Variants in SNX30 observed in about 807,000 individuals in gnomAD.
SNX30 encodes sorting nexin family member 30.
SNX30 carries 24 observed loss-of-function variants against 46.4 expected under a neutral mutation model. That is an observed-to-expected ratio of 0.52 (90% CI 0.37 to 0.73). The LOEUF (loss-of-function observed/expected upper bound fraction) is 0.73. Ranked by LOEUF, SNX30 falls within the 30% of genes least tolerant of loss-of-function variation. The pLI is 0.00. For missense variants in SNX30, 533 were observed against 555.7 expected (o/e 0.96, Z 0.41); for synonymous variants, 189 against 211.5 (o/e 0.89, Z 0.92).
In SNX30 at chr9:112,786,803, C is replaced by T. The variant is rs183194447; in HGVS notation, c.157-17973C>T. ...CAGGTGTGAGCCACCACGCCTGGCC[C>T]CTTCTTGCCTTTTTAAAATTTTCTT... On this transcript the variant is annotated intron_variant, in intron 1 of 8. Coordinates refer to ENST00000374232, the MANE Select transcript of SNX30 (RefSeq NM_001012994.2). 4.6e-5 allele frequency among the ~76,000 whole-genome samples: 7 copies of T among 152,148 alleles called. No homozygotes were observed. The South Asian group carries it at 1.5e-3, about 32-fold the overall frequency.
chr9:112,877,905 A>G (rs1841535575), downstream of SNX30: 1 of 151,932 alleles, frequency 6.6e-6, no homozygotes, highest in Non-Finnish European at 1.5e-5. Context: ...TTTTGTAGAG[A>G]TAGTGGTCTC....
At chr9:112,789,283 C>T (rs904506020) in intron 1 of SNX30, among the ~76,000 whole-genome samples, 1 of 152,152 alleles carries the variant, frequency 6.6e-6, no homozygotes, top group Admixed American at 6.5e-5. Flanking sequence ...AACAGGCTCT[C>T]GGAAATGCCT....
At chr9:112,751,960 T>C (rs546889716) in intron 1 of SNX30, among the ~76,000 whole-genome samples, 4 of 152,242 alleles carry the variant, frequency 2.6e-5, no homozygotes, top group African/African-American at 9.6e-5. Context: ...ATTTCAGCTG[T>C]GAAGGAGACT....
chr9:112,756,761 C>T (rs1337812205), intron 1 of SNX30, among the ~76,000 whole-genome samples: 1 of 152,148 alleles, frequency 6.6e-6, no homozygotes, highest in Non-Finnish European at 1.5e-5. Context: ...GCGCTCGGCT[C>T]CTTCACCTTT....
chr9:112,789,122 G>C (rs921645922), intron 1 of SNX30, among the ~76,000 whole-genome samples: 1 of 152,162 alleles, frequency 6.6e-6, no homozygotes, highest in Non-Finnish European at 1.5e-5. Flanking sequence ...AGGTCGAGTT[G>C]TGTTCTCTTT....
upstream of SNX30, among the ~76,000 whole-genome samples, chr9:112,750,653 T>TC (rs2131338500): frequency 6.6e-6 from 1 of 151,348 alleles, no homozygotes; most frequent in East Asian, 2.0e-4. Context: ...CGTCCTTCCT[T>TC]CCCCACGTGC....
intron 7 of SNX30, among the ~76,000 whole-genome samples, chr9:112,853,922 T>C (rs916370296): frequency 2.0e-5 from 3 of 152,134 alleles, no homozygotes; most frequent in Non-Finnish European, 4.4e-5. Context: ...TAAGGAAAAA[T>C]AGAAGTCACT....
intron 2 of SNX30, among the ~76,000 whole-genome samples, chr9:112,812,918 G>T (rs1027998038): frequency 3.3e-5 from 5 of 152,168 alleles, no homozygotes; most frequent in African/African-American, 7.2e-5. Context: ...AAGCTGAGGT[G>T]GGTGGATCAC....
chr9:112,772,033 G>C (rs1330537989), intron 1 of SNX30, among the ~76,000 whole-genome samples: 1 of 152,150 alleles, frequency 6.6e-6, no homozygotes, highest in Non-Finnish European at 1.5e-5. Flanking sequence ...GACTTTATTG[G>C]ACCCCATTTC....
intron 3 of SNX30, among the ~76,000 whole-genome samples, chr9:112,822,840 T>C (rs1312467982): frequency 6.6e-6 from 1 of 152,224 alleles, no homozygotes; most frequent in Admixed American, 6.5e-5. Context: ...GTATCCACGC[T>C]GTAGACATTG....
At chr9:112,851,613 C>T in intron 7 of SNX30, among the ~76,000 whole-genome samples, 1 of 152,176 alleles carries the variant, frequency 6.6e-6, no homozygotes, top group Non-Finnish European at 1.5e-5. Flanking sequence ...GCTGCCTAGA[C>T]AGAGCTGATT....
At chr9:112,750,607 G>GC (rs1338680058), upstream of SNX30, among the ~76,000 whole-genome samples, 5 of 152,072 alleles carry the variant, frequency 3.3e-5, no homozygotes, top group South Asian at 1.0e-3. Context: ...TTCCTGCCGG[G>GC]CGGGGGCGGG....
intron 1 of SNX30, among the ~76,000 whole-genome samples, chr9:112,785,904 C>G (rs1839916677): frequency 6.6e-6 from 1 of 152,180 alleles, no homozygotes; most frequent in Non-Finnish European, 1.5e-5. Context: ...CTTAATCTAT[C>G]AGCACCCTTT....
At chr9:112,797,711 C>CTTTTTTTTTTTTTTTTT (rs71384277) in intron 1 of SNX30, among the ~76,000 whole-genome samples, 1 of 121,358 alleles carries the variant, frequency 8.2e-6, no homozygotes, top group Non-Finnish European at 1.6e-5. Flanking sequence ...TTTTCTTTTT[C>CTTTTTTTTTTTTTTTTT]TTTTTTTTTT....
chr9:112,827,354 A>G (rs530213142), intron 3 of SNX30, among the ~76,000 whole-genome samples: 39 of 152,332 alleles, frequency 2.6e-4, no homozygotes, highest in Non-Finnish European at 4.6e-4. Flanking sequence ...AGGTACCAAG[A>G]AATGTATAGA....
intron 1 of SNX30, among the ~76,000 whole-genome samples, chr9:112,766,463 C>T (rs1047780433): frequency 2.0e-5 from 3 of 152,070 alleles, no homozygotes; most frequent in Non-Finnish European, 2.9e-5. Context: ...AATACGATGG[C>T]GTTAAGTACC....
chr9:112,818,145 G>A (rs1203114109), intron 3 of SNX30, among the ~76,000 whole-genome samples: 3 of 151,498 alleles, frequency 2.0e-5, no homozygotes, highest in Non-Finnish European at 4.4e-5. Flanking sequence ...CTACTCCAGC[G>A]CTTCCATCTG....
At chr9:112,749,875 G>C (rs79615730), upstream of SNX30, among the ~76,000 whole-genome samples, 520 of 152,280 alleles carry the variant, frequency 3.4e-3, 4 homozygotes, top group African/African-American at 0.012. Flanking sequence ...CTTTGCTAGA[G>C]GGACTGAAAA....
At chr9:112,843,113 C>G (rs999070371) in intron 6 of SNX30, among the ~76,000 whole-genome samples, 9 of 152,178 alleles carry the variant, frequency 5.9e-5, no homozygotes, top group Non-Finnish European at 1.3e-4. Flanking sequence ...TTAGCATTGT[C>G]ATGACTAGGC....
Sources: allele counts gnomAD v4.1 joint callset (sites outside exome capture counted in the v4.1 genomes callset), GRCh38; gene constraint gnomAD v4.1.1; transcripts MANE v1.5; gene names NCBI Gene and HGNC (gene_info 2026-07-23, HGNC 2026-07-21).